NIPAL2: variants seen among roughly 807,000 people sequenced by gnomAD.
The protein encoded by NIPAL2 is NIPA like domain containing 2.
In NIPAL2, 43 loss-of-function variants were observed where a neutral mutation model predicts 48.9. The observed-to-expected ratio is 0.88, with a 90% confidence interval of 0.69 to 1.13. The LOEUF (loss-of-function observed/expected upper bound fraction) is 1.13. Ranked by LOEUF, NIPAL2 falls within the 50% of genes most tolerant of loss-of-function variation. The probability of loss-of-function intolerance (pLI) is 0.00; values close to 1 mark genes in which losing one functional copy is unlikely to be tolerated. For missense variants in NIPAL2, 446 were observed against 461.4 expected, an observed-to-expected ratio of 0.97 and a Z score of 0.31; for synonymous variants, 167 against 174.6, an observed-to-expected ratio of 0.96 and a Z score of 0.34.
At chr8:98,272,616 CTT>C (rs1222984441) in intron 1 of NIPAL2, among the ~76,000 whole-genome samples, 15 of 140,418 alleles carry the variant, frequency 1.1e-4, no homozygotes, top group Non-Finnish European at 1.1e-4. Context: ...TGTGTGCTAT[CTT>C]TTTTTTTTTT....
chr8:98,238,181 G>A (rs1474971409), intron 3 of NIPAL2, among the ~76,000 whole-genome samples: 1 of 152,080 alleles, frequency 6.6e-6, no homozygotes, highest in East Asian at 1.9e-4. Flanking sequence ...ATAGGCATGG[G>A]AAAATCCAAA....
intron 4 of NIPAL2, among the ~76,000 whole-genome samples, chr8:98,235,487 T>C (rs1030031129): frequency 6.6e-6 from 1 of 152,204 alleles, no homozygotes; most frequent in Non-Finnish European, 1.5e-5. Context: ...TAAATTTTAG[T>C]TAGTTGATGC....
rs147113251 is a variant in NIPAL2 at position 98,275,090 on chromosome 8, A to G, written c.135+18913T>C. On this transcript the variant is annotated intron_variant, in intron 1 of 10. Coordinates refer to ENST00000430223, the MANE Select transcript of NIPAL2 (RefSeq NM_001321635.2). ...TCCCTAAATGTTAACATCTTACACA[A>G]CTACAGTAAAATATCAAAACCAAGA... is the stretch of plus-strand genomic sequence containing the variant. 2.2e-4 allele frequency among the ~76,000 whole-genome samples: 34 copies of G among 152,256 alleles called. 1 individual carries two copies. The East Asian group carries it at 3.3e-3, about 15-fold the overall frequency.
At chr8:98,205,320 A>G in intron 6 of NIPAL2, 74 bp from the exon 7 acceptor site, 1 of 1,330,492 alleles carries the variant, frequency 7.5e-7, no homozygotes, top group Non-Finnish European at 1.0e-6. Flanking sequence ...AAGCTTATGT[A>G]GTAGAGTAGC....
At chr8:98,279,631 G>C (rs959399806) in intron 1 of NIPAL2, among the ~76,000 whole-genome samples, 4 of 152,146 alleles carry the variant, frequency 2.6e-5, no homozygotes, top group East Asian at 1.9e-4. Context: ...AAGGCACCCA[G>C]GTCAAGTCTG....
At chr8:98,215,539 AC>A (rs1811531994) in intron 5 of NIPAL2, among the ~76,000 whole-genome samples, 1 of 152,192 alleles carries the variant, frequency 6.6e-6, no homozygotes, top group Non-Finnish European at 1.5e-5. Context: ...GCTTCCTGTT[AC>A]GAATTCGTTG....
intron 3 of NIPAL2, among the ~76,000 whole-genome samples, chr8:98,236,851 CAA>C (rs34210829): frequency 2.5e-3 from 164 of 66,886 alleles, no homozygotes; most frequent in Middle Eastern, 0.023. Context: ...GATCCTGTCT[CAA>C]AAAAAAAAAA....
intron 3 of NIPAL2, among the ~76,000 whole-genome samples, chr8:98,244,215 G>A (rs1019950575): frequency 2.8e-5 from 4 of 143,540 alleles, no homozygotes; most frequent in Non-Finnish European, 4.7e-5. Context: ...AAAAAAAAAT[G>A]AGGGGGGTGT....
At chr8:98,286,825 A>AG (rs1563559892) in intron 1 of NIPAL2, among the ~76,000 whole-genome samples, 1 of 147,294 alleles carries the variant, frequency 6.8e-6, no homozygotes, top group Admixed American at 6.7e-5. Flanking sequence ...AAAAAAAAAA[A>AG]AAAAAAAAAC....
Position 98,193,270 on chromosome 8 carries a change from A to C in NIPAL2, c.1040-180T>G. ...CCCTTGAAACGCCATGTCTGTAGCT[A>C]TGTGATAGCGAATTGTCTGTGTCAG... On this transcript the variant is annotated intron_variant, in intron 10 of 10. Transcript: ENST00000430223. 6 of 1,215,732 alleles carry C rather than the reference A, an allele frequency of 4.9e-6. No individual in the cohort carries two copies. In the South Asian group the frequency reaches 7.3e-5, roughly 15 times the overall value. 75.3% of individuals were successfully genotyped at this position (1,215,732 alleles called of 1,614,324 possible).
chr8:98,198,783 T>A (rs1339051452), intron 8 of NIPAL2, among the ~76,000 whole-genome samples: 4 of 152,206 alleles, frequency 2.6e-5, no homozygotes, highest in Non-Finnish European at 5.9e-5. Flanking sequence ...GTTACGGCCT[T>A]GCTCTGGTTT....
chr8:98,212,396 T>C lies in NIPAL2; in HGVS notation c.655+9A>G, dbSNP rs774544703. On this transcript the variant is annotated intron_variant, in intron 6 of 10. Coordinates refer to ENST00000430223, the MANE Select transcript of NIPAL2 (RefSeq NM_001321635.2). Reference sequence around the variant, plus strand: ...AATTAAAGAATAAGAAAACAAAATATGCCTTTACCTAGAATTGCCACCAGG... The same window carrying C: ...AATTAAAGAATAAGAAAACAAAATACGCCTTTACCTAGAATTGCCACCAGG... 6 of 1,493,444 alleles carry C rather than the reference T, an allele frequency of 4.0e-6. No homozygotes were observed. Among genetic ancestry groups the C allele is most frequent in the African/African-American group, 2.8e-5 (2 of 72,166 alleles). The allele number at this position is 1,493,444 out of a possible 1,614,324, so 92.5% of individuals were successfully genotyped here. A position where few individuals can be genotyped will look rare whatever the true frequency, so the allele number is the denominator to read the frequency against.
intron 5 of NIPAL2, among the ~76,000 whole-genome samples, chr8:98,219,789 CAA>C (rs1811758415): frequency 6.6e-6 from 1 of 152,136 alleles, no homozygotes; most frequent in Admixed American, 6.5e-5. Flanking sequence ...TCCTAATAAA[CAA>C]ATCTGACCGG....
chr8:98,231,484 AC>A (rs1325130086), intron 4 of NIPAL2, among the ~76,000 whole-genome samples: 1 of 151,960 alleles, frequency 6.6e-6, no homozygotes, highest in South Asian at 2.1e-4. Context: ...TTCCATGATG[AC>A]TCTATCTGGT....
chr8:98,217,167 C>G, intron 5 of NIPAL2: 1 of 985,462 alleles, frequency 1.0e-6, no homozygotes, highest in Middle Eastern at 5.2e-4. Flanking sequence ...CTGGTATACA[C>G]TGGGCTTCTC....
At position 98,244,950 on chromosome 8, in the gene NIPAL2, G is replaced by A. The variant is rs143425609; in HGVS notation, c.376+7513C>T. ...ATTTCCTGGACATTCAATTTATTAC[G>A]TCATCTCTGTGATATAAAGAGAAAC... On this transcript the variant is annotated intron_variant, in intron 3 of 10. Coordinates refer to ENST00000430223, the MANE Select transcript of NIPAL2 (RefSeq NM_001321635.2). Among the ~76,000 whole-genome samples the A allele has an allele frequency of 1.2e-3, 189 of 152,100 alleles. 3 individuals are homozygous for A. The highest frequency in any genetic ancestry group is 6.8e-3 in the Middle Eastern group (2 of 294).
At chr8:98,244,949 C>T (rs77753226) in intron 3 of NIPAL2, among the ~76,000 whole-genome samples, 4,649 of 152,096 alleles carry the variant, frequency 0.031, 89 homozygotes, top group Non-Finnish European at 0.05. Context: ...CAATTTATTA[C>T]GTCATCTCTG....
At chr8:98,194,930 T>C in intron 9 of NIPAL2, 108 bp from the exon 10 acceptor site, 1 of 563,328 alleles carries the variant, frequency 1.8e-6, no homozygotes. Flanking sequence ...ATTGGTTTTG[T>C]TCTTCCAGTT....
chr8:98,273,161 T>C (rs1815241614), intron 1 of NIPAL2, among the ~76,000 whole-genome samples: 1 of 152,196 alleles, frequency 6.6e-6, no homozygotes, highest in Non-Finnish European at 1.5e-5. Flanking sequence ...ACATTTTATA[T>C]AATGGAAGAT....
Sources: gnomAD v4.1 joint callset for allele counts (sites outside exome capture counted in the v4.1 genomes callset) on GRCh38, gnomAD v4.1.1 for gene constraint, MANE v1.5 for transcripts, NCBI Gene and HGNC (gene_info 2026-07-23, HGNC 2026-07-21) for gene names.